The following ZNF341 variants were observed in gnomAD, a reference collection of about 807,000 sequenced individuals.
The protein encoded by ZNF341 is zinc finger protein 341.
ZNF341 carries 52 observed loss-of-function variants against 87.7 expected under a neutral mutation model. The ratio of observed to expected loss-of-function variants is 0.59; its 90% CI spans 0.47 to 0.75. The LOEUF is 0.75. ZNF341 is among the 30% of genes least tolerant of loss of function. The pLI is 0.00. For synonymous variants in ZNF341, 459 were observed against 472.7 expected (o/e 0.97, Z 0.38); for missense variants, 977 against 1,145.9 (o/e 0.85, Z 2.13).
chr20:33,762,569 C>T (rs558268129), intron 8 of ZNF341, among the ~76,000 whole-genome samples: 1 of 150,596 alleles, frequency 6.6e-6, no homozygotes, highest in East Asian at 2.0e-4. Flanking sequence ...GCAGAACGTG[C>T]AGGTTTGTTA....
At chr20:33,781,228 C>A in intron 10 of ZNF341, 63 bp from the exon 11 acceptor site, 1 of 1,311,484 alleles carries the variant, frequency 7.6e-7, no homozygotes, top group Non-Finnish European at 1.1e-6. Flanking sequence ...CTGGGGTGGC[C>A]GGGGCGCTGC....
chr20:33,741,019 A>G lies in ZNF341; in HGVS notation c.142+7A>G, dbSNP rs1407938115. On this transcript the variant is annotated splice_region_variant and intron_variant, in intron 2 of 14. Coordinates refer to ENST00000375200, the MANE Select transcript of ZNF341 (RefSeq NM_001282933.2). Reference sequence around the variant, plus strand: ...CCTGCTATCCAGCCATTGGGTGAGTATCTGCTCAGGTTCACCGGTGGGAGA... The same window carrying G: ...CCTGCTATCCAGCCATTGGGTGAGTGTCTGCTCAGGTTCACCGGTGGGAGA... The G allele has an allele frequency of 3.7e-6, 6 of 1,613,072 alleles. No homozygotes were observed. Among genetic ancestry groups the G allele is most frequent in the Non-Finnish European group, 5.1e-6 (6 of 1,179,040 alleles).
intron 8 of ZNF341, 118 bp downstream of exon 8, chr20:33,762,173 CT>C: frequency 1.2e-6 from 1 of 846,726 alleles, no homozygotes; most frequent in Non-Finnish European, 1.7e-6. Flanking sequence ...TTCAATCTAC[CT>C]TTATCTATAA....
chr20:33,758,202 C>G (rs1430593402), intron 6 of ZNF341, among the ~76,000 whole-genome samples: 2 of 152,036 alleles, frequency 1.3e-5, no homozygotes, highest in African/African-American at 4.8e-5. Context: ...GTTAATGGGT[C>G]TTATGATTGA....
intron 3 of ZNF341, among the ~76,000 whole-genome samples, chr20:33,748,205 G>A (rs909197214): frequency 3.9e-5 from 6 of 152,084 alleles, no homozygotes; most frequent in African/African-American, 1.4e-4. Context: ...CTGAGTAGCT[G>A]GGACTACAGG....
In ZNF341 at chr20:33,733,277, G is replaced by A. The variant is rs570026842; in HGVS notation, c.31+1225G>A. On this transcript the variant is annotated intron_variant, in intron 1 of 14. Coordinates refer to ENST00000375200, the MANE Select transcript of ZNF341 (RefSeq NM_001282933.2). ...TCTGTTGCCCAGGCTGGAGTGCAGT[G>A]GAGCGATCTCGGCTCACTGCAACCT... Among the ~76,000 whole-genome samples the A allele has an allele frequency of 2.0e-5, 3 of 150,402 alleles. No homozygotes were observed. The East Asian group carries it at 5.9e-4, about 29-fold the overall frequency.
intron 12 of ZNF341, 167 bp from the exon 13 acceptor site, chr20:33,788,696 T>C (rs1206293811): frequency 2.9e-6 from 2 of 688,726 alleles, no homozygotes; most frequent in East Asian, 5.5e-5. Flanking sequence ...AAAATAGCCC[T>C]GTCTTGTCTC....
Position 33,732,459 on chromosome 20 carries a change from G to T in ZNF341, c.31+407G>T, listed in dbSNP as rs2018592017. 1.3e-5 allele frequency among the ~76,000 whole-genome samples: 2 copies of T among 152,172 alleles called. No homozygotes were observed. Among genetic ancestry groups the T allele is most frequent in the Admixed American group, 1.3e-4 (2 of 15,284 alleles). Reference sequence around the variant, plus strand: ...TGCGGTCGCAGCTGCGGGCAGGAGGGCCTCGGCGGCCTGACCACGAAGAAC... The same window carrying T: ...TGCGGTCGCAGCTGCGGGCAGGAGGTCCTCGGCGGCCTGACCACGAAGAAC... On this transcript the variant is annotated intron_variant, in intron 1 of 14. Coordinates refer to ENST00000375200, the MANE Select transcript of ZNF341 (RefSeq NM_001282933.2). The surrounding 1 kb of genome is among the most constrained non-coding windows in gnomAD (Gnocchi z 4.5).
intron 9 of ZNF341, among the ~76,000 whole-genome samples, chr20:33,769,483 G>T (rs2019480307): frequency 6.6e-6 from 1 of 152,118 alleles, no homozygotes; most frequent in Non-Finnish European, 1.5e-5. Flanking sequence ...CATTGAAAGG[G>T]TATACACTGT....
intron 12 of ZNF341, chr20:33,788,494 C>T: frequency 3.4e-6 from 1 of 292,972 alleles, no homozygotes; most frequent in South Asian, 3.5e-5. Flanking sequence ...ACCTGGCTGG[C>T]TCGCTGCCCT....
intron 8 of ZNF341, among the ~76,000 whole-genome samples, chr20:33,766,484 C>G (rs767265170): frequency 1.1e-4 from 17 of 152,182 alleles, no homozygotes; most frequent in Non-Finnish European, 2.1e-4. Context: ...TGTGAGCCAT[C>G]GCACCCGGCC....
chr20:33,739,729 A>G (rs1480892029), intron 1 of ZNF341, among the ~76,000 whole-genome samples: 2 of 152,238 alleles, frequency 1.3e-5, no homozygotes, highest in African/African-American at 2.4e-5. Context: ...AGCGTCAGCC[A>G]TGAGTAAGAC....
At chr20:33,742,535 C>T (rs375151850) in intron 2 of ZNF341, among the ~76,000 whole-genome samples, 49 of 152,004 alleles carry the variant, frequency 3.2e-4, no homozygotes, top group African/African-American at 1.1e-3. Context: ...TGGCTGGTCT[C>T]GAACTCCTGA....
chr20:33,783,990 C>T, intron 12 of ZNF341, 126 bp downstream of exon 12: 1 of 872,436 alleles, frequency 1.1e-6, no homozygotes, highest in Non-Finnish European at 1.7e-6. Context: ...CCCCTTTTCC[C>T]TCCACTTCTC....
At chr20:33,761,076 CCT>C (rs1184298755) in intron 7 of ZNF341, among the ~76,000 whole-genome samples, 1 of 151,884 alleles carries the variant, frequency 6.6e-6, no homozygotes, top group East Asian at 1.9e-4. Flanking sequence ...CTCATTGTAA[CCT>C]CCAACTGATG....
intron 5 of ZNF341, 47 bp downstream of exon 5, chr20:33,753,470 A>T: frequency 6.6e-7 from 1 of 1,515,856 alleles, no homozygotes. Context: ...CATGGACATC[A>T]TGGCCAACCC....
At chr20:33,753,095 AG>A in intron 4 of ZNF341, 76 bp from the exon 5 acceptor site, 1 of 1,598,652 alleles carries the variant, frequency 6.3e-7, no homozygotes, top group Non-Finnish European at 8.5e-7. Context: ...GGCTGGCTAA[AG>A]CAAATGTCCT....
intron 12 of ZNF341, 68 bp downstream of exon 12, chr20:33,783,932 T>C (rs563896485): frequency 1.4e-6 from 2 of 1,408,176 alleles, no homozygotes; most frequent in South Asian, 1.3e-5. Context: ...CCTCATGCCT[T>C]TCTCTCTCTT....
chr20:33,789,804 A>G (rs964576181), intron 14 of ZNF341, among the ~76,000 whole-genome samples: 1 of 152,200 alleles, frequency 6.6e-6, no homozygotes, highest in African/African-American at 2.4e-5. Flanking sequence ...CCCCCAGTCC[A>G]AGGAGGAAGC....
Sources: gnomAD v4.1 joint callset for allele counts (sites outside exome capture counted in the v4.1 genomes callset) on GRCh38, gnomAD v4.1.1 for gene constraint, Gnocchi (gnomAD v3.1) non-coding constraint, MANE v1.5 for transcripts, NCBI Gene and HGNC (gene_info 2026-07-23, HGNC 2026-07-21) for gene names.